ZMYM2: variants seen among roughly 807,000 people sequenced by gnomAD.
The protein encoded by ZMYM2 is zinc finger MYM-type protein 2.
ZMYM2 carries 56 observed loss-of-function variants against 162.8 expected under a neutral mutation model. That is an observed-to-expected ratio of 0.34 (90% CI 0.28 to 0.43). The LOEUF (loss-of-function observed/expected upper bound fraction) is 0.43. Ranked by LOEUF, ZMYM2 falls within the 20% of genes least tolerant of loss-of-function variation. ZMYM2 has a pLI of 1.00. For synonymous variants in ZMYM2, 510 were observed against 541.6 expected, an observed-to-expected ratio of 0.94 and a Z score of 0.81; for missense variants, 1,275 against 1,621.8, an observed-to-expected ratio of 0.79 and a Z score of 3.67.
At chr13:20,060,510 CTCTACT>C (rs1956148864) in intron 16 of ZMYM2, among the ~76,000 whole-genome samples, 1 of 152,134 alleles carries the variant, frequency 6.6e-6, no homozygotes, top group Admixed American at 6.5e-5. Flanking sequence ...GAAACCCCCT[CTCTACT>C]AAAAATACAA....
intron 21 of ZMYM2, among the ~76,000 whole-genome samples, chr13:20,072,627 C>T (rs1339529422): frequency 6.6e-6 from 1 of 152,126 alleles, no homozygotes. Context: ...CTTAAATATG[C>T]AATAGAATTC....
At chr13:19,912,292 G>GTTTTTTTTTTTTTTTT in the ZMYM2 span, among the ~76,000 whole-genome samples, 1 of 75,714 alleles carries the variant, frequency 1.3e-5, no homozygotes, top group Non-Finnish European at 2.5e-5. Flanking sequence ...TGTTTTTTGG[G>GTTTTTTTTTTTTTTTT]TTTTTTTTTT....
At chr13:19,979,431 T>A (rs1260079517) in intron 2 of ZMYM2, among the ~76,000 whole-genome samples, 1 of 116,636 alleles carries the variant, frequency 8.6e-6, no homozygotes, top group Non-Finnish European at 1.8e-5. Context: ...TTCTGCACTT[T>A]TTTTTTTTTT....
the ZMYM2 span, among the ~76,000 whole-genome samples, chr13:19,930,711 T>C: frequency 6.6e-6 from 1 of 151,372 alleles, no homozygotes; most frequent in Non-Finnish European, 1.5e-5. Flanking sequence ...TGCTAATTTA[T>C]GTATTTTTAG....
chr13:20,013,794 G>GT (rs1376373859), intron 6 of ZMYM2, among the ~76,000 whole-genome samples: 1 of 152,096 alleles, frequency 6.6e-6, no homozygotes, highest in African/African-American at 2.4e-5. Flanking sequence ...TGATTATGGT[G>GT]TATAATCCTT....
intron 16 of ZMYM2, 117 bp from the exon 17 acceptor site, chr13:20,060,936 C>A: frequency 1.0e-6 from 1 of 991,428 alleles, no homozygotes; most frequent in Non-Finnish European, 1.5e-6. Context: ...GTGTTCTTTT[C>A]AAAGCTTTTA....
intron 21 of ZMYM2, among the ~76,000 whole-genome samples, chr13:20,072,948 G>T (rs937991867): frequency 6.7e-6 from 1 of 149,672 alleles, no homozygotes. Flanking sequence ...TCACTTTGTC[G>T]CACAGGCTGG....
At chr13:19,988,047 A>G (rs779871224) in intron 2 of ZMYM2, among the ~76,000 whole-genome samples, 55 of 152,212 alleles carry the variant, frequency 3.6e-4, no homozygotes, top group African/African-American at 6.0e-4. Flanking sequence ...AGCTCTGTGT[A>G]TAGTGTTTGA....
At chr13:19,933,002 G>C in the ZMYM2 span, among the ~76,000 whole-genome samples, 2 of 152,250 alleles carry the variant, frequency 1.3e-5, no homozygotes, top group East Asian at 3.9e-4. Context: ...AGACTGGAGT[G>C]CAGTGGTGCA....
intron 19 of ZMYM2, among the ~76,000 whole-genome samples, chr13:20,065,517 G>A (rs1956607305): frequency 6.6e-6 from 1 of 152,058 alleles, no homozygotes; most frequent in Non-Finnish European, 1.5e-5. Context: ...GTGAAAAGGG[G>A]GCCAGGCACA....
the ZMYM2 span, among the ~76,000 whole-genome samples, chr13:19,930,910 C>T: frequency 2.0e-5 from 3 of 150,868 alleles, no homozygotes; most frequent in East Asian, 4.0e-4. Flanking sequence ...GAGGCCGAGG[C>T]GGGCAGATCA....
the ZMYM2 span, among the ~76,000 whole-genome samples, chr13:19,905,006 A>ATTT: frequency 1.0e-4 from 13 of 129,906 alleles, no homozygotes; most frequent in East Asian, 2.1e-4. Context: ...CTTGCTTTCA[A>ATTT]TTTTTTTTTT....
At chr13:19,932,060 T>C in the ZMYM2 span, among the ~76,000 whole-genome samples, 1 of 152,254 alleles carries the variant, frequency 6.6e-6, no homozygotes, top group Non-Finnish European at 1.5e-5. Context: ...GTTGATTATT[T>C]AGACTCTATT....
the ZMYM2 span, among the ~76,000 whole-genome samples, chr13:19,900,515 C>T: frequency 1.3e-5 from 2 of 151,868 alleles, no homozygotes; most frequent in African/African-American, 2.4e-5. Flanking sequence ...TTATATTTAT[C>T]GAAGAATTAA....
chr13:19,996,400 G>GA (rs1401076766), intron 3 of ZMYM2, among the ~76,000 whole-genome samples: 4 of 151,930 alleles, frequency 2.6e-5, no homozygotes, highest in Non-Finnish European at 5.9e-5. Context: ...CTGGGCAACA[G>GA]AGCAAGACCT....
chr13:20,002,953 G>T lies in ZMYM2; in HGVS notation c.951G>T (p.Pro317=). The T allele has an allele frequency of 6.2e-7, 1 of 1,614,064 alleles. No homozygotes were observed. Among genetic ancestry groups the T allele is most frequent in the Non-Finnish European group, 8.5e-7 (1 of 1,180,020 alleles). The change falls in exon 4 of 25, where the codon CCG becomes CCT. Residue 317 remains proline, a synonymous_variant. Transcript: ENST00000610343. ...VASLPKQIFQ[P]SVQQQPTKPV... ...CACTTCCTAAACAGATTTTCCAGCC[G>T]TCTGTCCAACAGCAGCCTACTAAAC...
In ZMYM2 at chr13:20,064,443, G is replaced by A. The variant is rs540907258; in HGVS notation, c.3038-8G>A. 10 of 1,582,372 alleles carry A rather than the reference G, an allele frequency of 6.3e-6. No homozygotes were observed. Among genetic ancestry groups the A allele is most frequent in the African/African-American group, 4.0e-5 (3 of 74,242 alleles). ...CATTTAAAATAAAAGTTCTGATTTG[G>A]TTGTCAGCTGCTGAGGAGCTTGATA... On this transcript the variant is annotated splice_region_variant and splice_polypyrimidine_tract_variant and intron_variant, in intron 18 of 24. Transcript: ENST00000610343.
chr13:20,036,493 A>G (rs1010208445), intron 11 of ZMYM2, among the ~76,000 whole-genome samples: 2 of 152,212 alleles, frequency 1.3e-5, no homozygotes, highest in African/African-American at 4.8e-5. Flanking sequence ...CAAATAAAAT[A>G]ATTCTGAGAC....
At chr13:19,883,143 A>C in the ZMYM2 span, among the ~76,000 whole-genome samples, 11 of 152,226 alleles carry the variant, frequency 7.2e-5, no homozygotes, top group African/African-American at 1.9e-4. Flanking sequence ...GAAGCCAGAC[A>C]CAATAGATCT....
Sources: allele counts gnomAD v4.1 joint callset (sites outside exome capture counted in the v4.1 genomes callset), GRCh38; gene constraint gnomAD v4.1.1; transcripts MANE v1.5; gene names NCBI Gene and HGNC (gene_info 2026-07-23, HGNC 2026-07-21).